Variants in SMPDL3A observed in about 807,000 individuals in gnomAD.
SMPDL3A encodes the protein sphingomyelin phosphodiesterase acid like 3A, also known as cyclic GMP-AMP phosphodiesterase SMPDL3A.
In SMPDL3A, 39 loss-of-function variants were observed where a neutral mutation model predicts 38.5. That is an observed-to-expected ratio of 1.01 (90% CI 0.78 to 1.32). SMPDL3A has a LOEUF of 1.32. Ranked by LOEUF, SMPDL3A falls within the 40% of genes most tolerant of loss-of-function variation. SMPDL3A has a pLI of 0.00. For missense variants in SMPDL3A, 502 were observed against 536.2 expected (o/e 0.94, Z 0.63); for synonymous variants, 180 against 194.3 (o/e 0.93, Z 0.61).
intron 1 of SMPDL3A, chr6:122,789,789 GA>G (rs768090284): frequency 1.7e-4 from 170 of 973,216 alleles, no homozygotes; most frequent in Non-Finnish European, 2.0e-4. Flanking sequence ...CTTGGGGAAG[GA>G]AGGAAAAGCT....
At chr6:122,789,548 G>T in intron 1 of SMPDL3A, 90 bp downstream of exon 1, 1 of 1,165,098 alleles carries the variant, frequency 8.6e-7, no homozygotes, top group Non-Finnish European at 1.2e-6. Flanking sequence ...CGTGGGGGCA[G>T]CTGCCCCCGG....
intron 7 of SMPDL3A, among the ~76,000 whole-genome samples, chr6:122,808,628 T>C (rs1781732671): frequency 3.4e-5 from 2 of 59,468 alleles, no homozygotes; most frequent in Non-Finnish European, 6.7e-5. Flanking sequence ...CCTTCCTTCC[T>C]TCCTTCCTTC....
intron 3 of SMPDL3A, 65 bp from the exon 4 acceptor site, chr6:122,801,245 G>C (rs539662157): frequency 9.0e-7 from 1 of 1,107,018 alleles, no homozygotes; most frequent in Admixed American, 1.7e-5. Flanking sequence ...TGCTCAAGTA[G>C]TGTTTACATT....
At position 122,799,082 on chromosome 6, in the gene SMPDL3A, A is replaced by T. The variant is rs190144694; in HGVS notation, c.471+2114A>T. Among the ~76,000 whole-genome samples the T allele has an allele frequency of 7.7e-3, 1,173 of 152,316 alleles. 9 individuals carry two copies. Among genetic ancestry groups the T allele is most frequent in the Non-Finnish European group, 0.013 (903 of 68,036 alleles). On this transcript the variant is annotated intron_variant, in intron 3 of 7. Transcript: ENST00000368440. Reference sequence around the variant, plus strand: ...TCATAAGTGCTATTTTTCCACTGAAATTCTATGTTCATGCAGCATAGCTAC... The same window carrying T: ...TCATAAGTGCTATTTTTCCACTGAATTTCTATGTTCATGCAGCATAGCTAC...
chr6:122,800,733 TTTTTGTTTG>T (rs1376185077), intron 3 of SMPDL3A, among the ~76,000 whole-genome samples: 3 of 15,366 alleles, frequency 2.0e-4, no homozygotes, highest in Non-Finnish European at 4.9e-4. Context: ...GGCTACACCT[TTTTTGTTTG>T]TTTGTTTGTT....
At chr6:122,793,784 C>T (rs1317916245) in intron 1 of SMPDL3A, among the ~76,000 whole-genome samples, 1 of 152,134 alleles carries the variant, frequency 6.6e-6, no homozygotes, top group Non-Finnish European at 1.5e-5. Context: ...ACCCCTTTCA[C>T]CTTAACGTAT....
intron 3 of SMPDL3A, 131 bp downstream of exon 3, chr6:122,797,099 A>C: frequency 1.5e-6 from 1 of 646,694 alleles, no homozygotes; most frequent in Non-Finnish European, 2.6e-6. Context: ...TCTTAATCCT[A>C]ACCATCAAGA....
chr6:122,805,088 A>G lies in SMPDL3A; in HGVS notation c.918A>G (p.Lys306=). The G allele has an allele frequency of 6.2e-7, 1 of 1,600,380 alleles. No homozygotes were observed. The highest frequency in any genetic ancestry group is 8.5e-7 in the Non-Finnish European group (1 of 1,174,890). ...GCATTATGGTTCTTTCAGATAAAAA[A>G]GGTAATGTAATGCTGTGTTTGCATC... ...RDSIMVLSDK[K]GSPVNSLFVA... is the part of the protein sequence containing the mutation. Residue 306 remains lysine (K), a splice_region_variant and synonymous_variant, in exon 6 of 8, where the codon AAA becomes AAG. Coordinates refer to ENST00000368440, the MANE Select transcript of SMPDL3A (RefSeq NM_006714.5).
At chr6:122,791,887 G>GT (rs1183570971) in intron 1 of SMPDL3A, among the ~76,000 whole-genome samples, 1 of 152,108 alleles carries the variant, frequency 6.6e-6, no homozygotes, top group Non-Finnish European at 1.5e-5. Context: ...TAGAGACGGG[G>GT]TTTCACCGTG....
In SMPDL3A at chr6:122,793,989, TAA is replaced by T. The variant is rs886528458; in HGVS notation, c.113-1685_113-1684del. On this transcript the variant is annotated intron_variant, in intron 1 of 7. Transcript: ENST00000368440. ...AAAGTGTGGAAAAAAATCTCTTTAT[TAA>T]AACAATTTGAACATGGTTTATAAGG... 8.3e-4 allele frequency among the ~76,000 whole-genome samples: 127 copies of T among 152,232 alleles called. 1 individual carries two copies. The highest frequency in any genetic ancestry group is 3.0e-3 in the African/African-American group (125 of 41,536).
At chr6:122,808,667 TC>T (rs1781746088) in intron 7 of SMPDL3A, among the ~76,000 whole-genome samples, 1 of 76,644 alleles carries the variant, frequency 1.3e-5, no homozygotes, top group Admixed American at 1.6e-4. Flanking sequence ...CCTCCCTCCC[TC>T]TCCTTCTTTC....
intron 4 of SMPDL3A, among the ~76,000 whole-genome samples, chr6:122,802,770 T>C (rs1317600722): frequency 1.3e-5 from 2 of 152,134 alleles, no homozygotes; most frequent in African/African-American, 2.4e-5. Flanking sequence ...TTAAAAATCA[T>C]AGAAGCCATC....
intron 4 of SMPDL3A, among the ~76,000 whole-genome samples, chr6:122,803,181 C>G (rs1781481821): frequency 1.3e-5 from 2 of 152,070 alleles, no homozygotes; most frequent in South Asian, 4.1e-4. Context: ...TGGAATGATG[C>G]CTTTAAACCT....
Position 122,803,738 on chromosome 6 carries a change from G to T in SMPDL3A, c.643G>T (p.Gly215Cys), listed in dbSNP as rs777644534. The T allele has an allele frequency of 6.2e-7, 1 of 1,613,818 alleles. No individual in the cohort carries two copies. The highest frequency in any genetic ancestry group is 8.5e-7 in the Non-Finnish European group (1 of 1,179,906). Residue 215 changes from glycine to cysteine, a missense_variant, in exon 5 of 8, where the codon GGC becomes TGC. Gly to Cys is a radical substitution (Grantham distance 159). Coordinates refer to ENST00000368440, the MANE Select transcript of SMPDL3A (RefSeq NM_006714.5). ...CAGTCTAAACACAAACTTGTACTAC[G>T]GCCCAAATATAATGACACTGAACAA... Reference protein sequence around the residue: ...IISLNTNLYYGPNIMTLNKTD... With the variant: ...IISLNTNLYYCPNIMTLNKTD...
rs750223825 is a variant in SMPDL3A, at chr6:122,803,713, C to T, written c.618C>T (p.Ile206=). Residue 206 remains isoleucine (I), a synonymous_variant, in exon 5 of 8, where the codon ATC becomes ATT. Transcript: ENST00000368440. ...CAACTAATCCAAACCTTAGGATCAT[C>T]AGTCTAAACACAAACTTGTACTACG... is the stretch of plus-strand genomic sequence containing the variant. ...KVTTNPNLRI[I]SLNTNLYYGP... 1 of 1,613,848 alleles carries T rather than the reference C, an allele frequency of 6.2e-7. No homozygotes were observed. The highest frequency in any genetic ancestry group is 8.5e-7 in the Non-Finnish European group (1 of 1,179,852).
intron 5 of SMPDL3A, 151 bp downstream of exon 5, chr6:122,803,984 CT>C (rs112270814): frequency 0.13 from 61,302 of 487,936 alleles, no homozygotes; most frequent in East Asian, 0.21. Flanking sequence ...GATTTTCTTT[CT>C]TTTTTTTTTT....
intron 7 of SMPDL3A, 46 bp downstream of exon 7, chr6:122,806,403 T>C: frequency 6.5e-7 from 1 of 1,550,226 alleles, no homozygotes; most frequent in Non-Finnish European, 8.8e-7. Context: ...ATGCATATCT[T>C]TGCAGTTTTC....
At position 122,803,739 on chromosome 6, in the gene SMPDL3A, G is replaced by T. The variant is rs150118372; in HGVS notation, c.644G>T (p.Gly215Val). Residue 215 changes from glycine (G) to valine (V), a missense_variant, in exon 5 of 8, where the codon GGC becomes GTC. Gly to Val is a moderately radical substitution (Grantham distance 109). Transcript: ENST00000368440. ...IISLNTNLYYGPNIMTLNKTD... is the reference protein window; with the variant it reads ...IISLNTNLYYVPNIMTLNKTD... ...AGTCTAAACACAAACTTGTACTACG[G>T]CCCAAATATAATGACACTGAACAAG... 85 of 1,613,844 alleles carry T rather than the reference G, an allele frequency of 5.3e-5. No individual in the cohort carries two copies. The African/African-American group carries it at 1.0e-3, about 19-fold the overall frequency.
At chr6:122,801,132 G>C (rs1781416959) in intron 3 of SMPDL3A, among the ~76,000 whole-genome samples, 178 bp from the exon 4 acceptor site, 1 of 152,128 alleles carries the variant, frequency 6.6e-6, no homozygotes, top group Non-Finnish European at 1.5e-5. Context: ...TAGTTAATTG[G>C]TTACATTTTA....
Sources: allele counts gnomAD v4.1 joint callset (sites outside exome capture counted in the v4.1 genomes callset), GRCh38; gene constraint gnomAD v4.1.1; transcripts MANE v1.5; gene names NCBI Gene and HGNC (gene_info 2026-07-23, HGNC 2026-07-21).